KCNIP4: variants seen among roughly 807,000 people sequenced by gnomAD.
The protein encoded by KCNIP4 is Kv channel-interacting protein 4.
A neutral mutation model predicts 34.0 loss-of-function variants in KCNIP4; 12 were observed. The observed-to-expected ratio is 0.35, with a 90% confidence interval of 0.23 to 0.57. The LOEUF is 0.57. Ranked by LOEUF, KCNIP4 falls within the 20% of genes least tolerant of loss-of-function variation. The pLI, the probability that KCNIP4 is intolerant of heterozygous loss-of-function variation, is 0.83. For missense variants in KCNIP4, 238 were observed against 311.7 expected, an observed-to-expected ratio of 0.76 and a Z score of 1.78; for synonymous variants, 124 against 102.2, an observed-to-expected ratio of 1.21 and a Z score of -1.29.
chr4:20,764,709 A>ACACACACAC (rs1553892155), intron 3 of KCNIP4, among the ~76,000 whole-genome samples: 2 of 92,530 alleles, frequency 2.2e-5, no homozygotes, highest in East Asian at 8.2e-4. Context: ...CACACACACA[A>ACACACACAC]CCCCATGAAC....
chr4:21,114,172 G>A (rs977493378), intron 1 of KCNIP4, among the ~76,000 whole-genome samples: 3 of 152,026 alleles, frequency 2.0e-5, no homozygotes, highest in African/African-American at 7.2e-5. Flanking sequence ...CAGAAATAAG[G>A]CCTCCTCTTT....
chr4:21,319,308 A>T (rs981440864), intron 1 of KCNIP4, among the ~76,000 whole-genome samples: 1 of 152,240 alleles, frequency 6.6e-6, no homozygotes, highest in Non-Finnish European at 1.5e-5. Context: ...AATGGACTTA[A>T]GGAATAACAA....
At chr4:21,050,106 C>T (rs1042618141) in intron 1 of KCNIP4, among the ~76,000 whole-genome samples, 3 of 152,174 alleles carry the variant, frequency 2.0e-5, no homozygotes, top group African/African-American at 7.2e-5. Context: ...AGATAACCCA[C>T]ATCTGCTAAT....
At chr4:21,785,633 T>C (rs1466626883) in intron 1 of KCNIP4, among the ~76,000 whole-genome samples, 1 of 132,996 alleles carries the variant, frequency 7.5e-6, no homozygotes, top group South Asian at 2.2e-4. Flanking sequence ...AAAATAACCA[T>C]GAGCTATTAT....
intron 1 of KCNIP4, among the ~76,000 whole-genome samples, chr4:21,219,185 G>A (rs1251352566): frequency 6.6e-6 from 1 of 152,144 alleles, no homozygotes; most frequent in African/African-American, 2.4e-5. Context: ...GTTCTGATGG[G>A]TCCATGTATG....
chr4:21,239,702 A>G (rs1759653545), intron 1 of KCNIP4, among the ~76,000 whole-genome samples: 1 of 152,340 alleles, frequency 6.6e-6, no homozygotes, highest in East Asian at 1.9e-4. Flanking sequence ...TAGAAGGGCA[A>G]TCATTAAAAA....
At chr4:21,285,896 C>T (rs895610018) in intron 1 of KCNIP4, among the ~76,000 whole-genome samples, 3 of 152,120 alleles carry the variant, frequency 2.0e-5, no homozygotes, top group African/African-American at 7.2e-5. Flanking sequence ...TGATGCCTGC[C>T]ATCTAGCACT....
rs377349466 is a variant in KCNIP4, at chr4:20,832,996, TA to T, written c.288+17546del. Among the ~76,000 whole-genome samples, 1,095 of 152,280 alleles carry T rather than the reference TA, an allele frequency of 7.2e-3. 11 individuals carry two copies. The highest frequency in any genetic ancestry group is 0.025 in the African/African-American group (1,048 of 41,546). On this transcript the variant is annotated intron_variant, in intron 3 of 8. Transcript: ENST00000382152. ...GTGAATAGAGGTTGCTAGGGGAACATAAAACTCTACACAGAGACAGAACTAT... is the reference window on the plus strand; with the variant it reads ...GTGAATAGAGGTTGCTAGGGGAACATAAACTCTACACAGAGACAGAACTAT...
chr4:21,586,576 A>G (rs950945879), intron 1 of KCNIP4, among the ~76,000 whole-genome samples: 2 of 152,076 alleles, frequency 1.3e-5, no homozygotes, highest in Non-Finnish European at 2.9e-5. Flanking sequence ...GGTTCCAAAA[A>G]GAAAAGCTCC....
intron 1 of KCNIP4, among the ~76,000 whole-genome samples, chr4:21,507,252 G>A (rs1362683081): frequency 6.6e-6 from 1 of 151,176 alleles, no homozygotes; most frequent in Non-Finnish European, 1.5e-5. Context: ...CACTGGCAAT[G>A]GCTTTATTTT....
chr4:21,324,198 G>T (rs1348333511), intron 1 of KCNIP4, among the ~76,000 whole-genome samples: 4 of 150,752 alleles, frequency 2.7e-5, no homozygotes, highest in African/African-American at 9.8e-5. Flanking sequence ...TTCTGTAGAA[G>T]TTTCTTCACC....
intron 1 of KCNIP4, among the ~76,000 whole-genome samples, chr4:21,126,093 C>T (rs1443373187): frequency 1.3e-5 from 2 of 152,022 alleles, no homozygotes; most frequent in South Asian, 2.1e-4. Flanking sequence ...GCAGACTGAG[C>T]CTGTAATCTT....
In KCNIP4 at chr4:21,418,650, G is replaced by A. The variant is rs897903221; in HGVS notation, c.61+529921C>T. ...TAAAAAATCATCTTTTGGGAGGGAAGAAAGAAGGTCTTTCCTCCAACATCC... is the reference window on the plus strand; with the variant it reads ...TAAAAAATCATCTTTTGGGAGGGAAAAAAGAAGGTCTTTCCTCCAACATCC... On this transcript the variant is annotated intron_variant, in intron 1 of 8. Transcript: ENST00000382152. 5.3e-5 allele frequency among the ~76,000 whole-genome samples: 8 copies of A among 152,162 alleles called. No individual in the cohort carries two copies. In the South Asian group the frequency reaches 1.5e-3, roughly 28 times the overall value.
chr4:21,600,199 T>C (rs1039930163), intron 1 of KCNIP4, among the ~76,000 whole-genome samples: 1 of 152,080 alleles, frequency 6.6e-6, no homozygotes, highest in African/African-American at 2.4e-5. Flanking sequence ...AAAACTTTCA[T>C]GCTGAGCCAA....
At chr4:21,176,995 T>C (rs918740073) in intron 1 of KCNIP4, among the ~76,000 whole-genome samples, 21 of 152,358 alleles carry the variant, frequency 1.4e-4, no homozygotes, top group African/African-American at 4.8e-4. Context: ...CACTATCTAT[T>C]TACATTTTCA....
At chr4:21,578,890 G>A (rs1275265602) in intron 1 of KCNIP4, among the ~76,000 whole-genome samples, 1 of 152,170 alleles carries the variant, frequency 6.6e-6, no homozygotes, top group Admixed American at 6.5e-5. Context: ...CTTGCATACG[G>A]ATTTTAGAGA....
intron 1 of KCNIP4, among the ~76,000 whole-genome samples, chr4:21,369,424 G>T (rs1720110465): frequency 6.8e-6 from 1 of 146,936 alleles, no homozygotes; most frequent in Non-Finnish European, 1.5e-5. Context: ...TTAGGGATAA[G>T]GGAATCAAGA....
chr4:21,109,095 A>G lies in KCNIP4; in HGVS notation c.62-226386T>C, dbSNP rs1181356390. On this transcript the variant is annotated intron_variant, in intron 1 of 8. Transcript: ENST00000382152. Reference sequence around the variant, plus strand: ...GCAGTCTGCCCGTTCTCAGATCTCCAGCTGCGTGCTGGGAGAACCACTGCT... The same window carrying G: ...GCAGTCTGCCCGTTCTCAGATCTCCGGCTGCGTGCTGGGAGAACCACTGCT... Among the ~76,000 whole-genome samples the G allele has an allele frequency of 2.0e-5, 3 of 152,234 alleles. No homozygotes were observed. The East Asian group carries it at 5.8e-4, about 30-fold the overall frequency.
chr4:21,939,925 T>C (rs980469261), intron 1 of KCNIP4, among the ~76,000 whole-genome samples: 9 of 152,136 alleles, frequency 5.9e-5, no homozygotes, highest in Admixed American at 6.6e-5. Context: ...TAGAGAAACA[T>C]CCTATTTAAT....
Sources: gnomAD v4.1 joint callset for allele counts (sites outside exome capture counted in the v4.1 genomes callset) on GRCh38, gnomAD v4.1.1 for gene constraint, MANE v1.5 for transcripts, NCBI Gene and HGNC (gene_info 2026-07-23, HGNC 2026-07-21) for gene names.